Variants in MAST2 observed in about 807,000 individuals in gnomAD.
MAST2 encodes microtubule-associated serine/threonine-protein kinase 2.
In MAST2, 70 loss-of-function variants were observed where a neutral mutation model predicts 147.4. The observed-to-expected ratio is 0.47, with a 90% CI of 0.39 to 0.58. MAST2 has a LOEUF of 0.58. Ranked by LOEUF, MAST2 falls within the 20% of genes least tolerant of loss-of-function variation. MAST2 has a pLI of 0.00. For missense variants in MAST2, 2,080 were observed against 2,302.3 expected (o/e 0.90, Z 1.98); for synonymous variants, 869 against 896.8 (o/e 0.97, Z 0.55).
intron 16 of MAST2, 76 bp downstream of exon 16, chr1:46,025,891 G>C: frequency 6.4e-7 from 1 of 1,572,030 alleles, no homozygotes; most frequent in South Asian, 1.1e-5. Context: ...AAGCACAGTA[G>C]CTCTAAATCT....
At chr1:45,829,648 A>G (rs1644892283) in intron 3 of MAST2, 67 bp downstream of exon 3, 4 of 1,457,418 alleles carry the variant, frequency 2.7e-6, no homozygotes, top group South Asian at 1.3e-5. Context: ...TCATTGCAAC[A>G]TCTATTCTTT....
At chr1:45,860,115 C>T (rs901952881) in intron 3 of MAST2, among the ~76,000 whole-genome samples, 2 of 151,652 alleles carry the variant, frequency 1.3e-5, no homozygotes, top group South Asian at 2.1e-4. Flanking sequence ...CCTGAGGTGG[C>T]GGGATGCTGA....
At chr1:45,866,773 A>C (rs1044387373) in intron 3 of MAST2, among the ~76,000 whole-genome samples, 3 of 150,304 alleles carry the variant, frequency 2.0e-5, no homozygotes, top group Non-Finnish European at 3.0e-5. Context: ...ATGGAGTCTC[A>C]CTCTGTCACC....
intron 4 of MAST2, among the ~76,000 whole-genome samples, chr1:45,923,823 C>T (rs1653923279): frequency 6.6e-6 from 1 of 152,174 alleles, no homozygotes; most frequent in Non-Finnish European, 1.5e-5. Flanking sequence ...GGTATTCCCA[C>T]AGTCTGTTGT....
At chr1:45,972,728 C>T (rs943827538) in intron 5 of MAST2, among the ~76,000 whole-genome samples, 3 of 152,216 alleles carry the variant, frequency 2.0e-5, no homozygotes, top group Non-Finnish European at 4.4e-5. Context: ...ACATTCCCTG[C>T]TCTGTCTTAT....
At chr1:45,906,433 A>G (rs1403004294) in intron 4 of MAST2, among the ~76,000 whole-genome samples, 1 of 151,930 alleles carries the variant, frequency 6.6e-6, no homozygotes, top group Non-Finnish European at 1.5e-5. Context: ...GTAGAGAACA[A>G]AAATATTTTT....
intron 4 of MAST2, chr1:45,917,485 C>T (rs1557903406): frequency 7.3e-7 from 1 of 1,366,560 alleles, no homozygotes; most frequent in Non-Finnish European, 9.8e-7. Context: ...AACCCACGAG[C>T]CCACAGCAGT....
intron 4 of MAST2, among the ~76,000 whole-genome samples, chr1:45,950,207 A>C (rs1405499403): frequency 6.6e-6 from 1 of 152,098 alleles, no homozygotes; most frequent in East Asian, 1.9e-4. Flanking sequence ...GTACCCCTGA[A>C]CCTAAAAAAT....
chr1:45,993,977 AAG>A (rs1262578613), intron 5 of MAST2, among the ~76,000 whole-genome samples: 1 of 152,182 alleles, frequency 6.6e-6, no homozygotes, highest in Non-Finnish European at 1.5e-5. Flanking sequence ...GGTCCGGCCA[AAG>A]AAAACATGTG....
At chr1:45,821,515 C>CTTTTTT (rs59159342) in intron 1 of MAST2, among the ~76,000 whole-genome samples, 1 of 70,918 alleles carries the variant, frequency 1.4e-5, no homozygotes, top group Non-Finnish European at 2.5e-5. Context: ...GTTATTTCTT[C>CTTTTTT]TTTTTTTTTT....
intron 5 of MAST2, among the ~76,000 whole-genome samples, chr1:45,961,321 A>T (rs1660386888): frequency 6.6e-6 from 1 of 152,204 alleles, no homozygotes; most frequent in Non-Finnish European, 1.5e-5. Context: ...CATCTATCTG[A>T]CCTGACCTTT....
intron 4 of MAST2, chr1:45,913,781 C>G: frequency 8.9e-7 from 1 of 1,119,514 alleles, no homozygotes; most frequent in Admixed American, 4.6e-5. Context: ...TGTGAGAGAA[C>G]TTCCTACCAA....
chr1:46,003,341 G>A (rs940607528), intron 7 of MAST2, among the ~76,000 whole-genome samples: 1 of 152,110 alleles, frequency 6.6e-6, no homozygotes, highest in Non-Finnish European at 1.5e-5. Context: ...TGATATCCAA[G>A]TTTGATGCAT....
intron 1 of MAST2, among the ~76,000 whole-genome samples, chr1:45,818,661 C>A (rs1272512774): frequency 6.6e-6 from 1 of 152,188 alleles, no homozygotes; most frequent in East Asian, 1.9e-4. Flanking sequence ...TTGTGAACTT[C>A]CGATGGTCGG....
At chr1:45,952,908 A>G (rs1659138235) in intron 4 of MAST2, among the ~76,000 whole-genome samples, 1 of 152,242 alleles carries the variant, frequency 6.6e-6, no homozygotes, top group Non-Finnish European at 1.5e-5. Flanking sequence ...GGGAATGTTA[A>G]GCAGTGAAAT....
intron 4 of MAST2, among the ~76,000 whole-genome samples, chr1:45,909,373 A>G (rs1028711015): frequency 6.6e-6 from 1 of 152,174 alleles, no homozygotes. Context: ...TTACTTTTCA[A>G]TATCATTTAC....
At chr1:45,899,515 C>T (rs543635244) in intron 4 of MAST2, among the ~76,000 whole-genome samples, 8 of 151,916 alleles carry the variant, frequency 5.3e-5, no homozygotes, top group African/African-American at 1.5e-4. Context: ...TATGACCACA[C>T]GTACCCATTG....
chr1:45,816,443 T>G lies in MAST2; in HGVS notation c.178-7990T>G, dbSNP rs200510831. ...GCACCAGGGACCAATCCTGGAGAGA[T>G]AGAGATACATGACCTTTCAGACAGA... On this transcript the variant is annotated intron_variant, in intron 1 of 28. Transcript: ENST00000361297. 6.6e-5 allele frequency among the ~76,000 whole-genome samples: 10 copies of G among 152,238 alleles called. No homozygotes were observed. The South Asian group carries it at 8.3e-4, about 13-fold the overall frequency.
intron 4 of MAST2, among the ~76,000 whole-genome samples, chr1:45,902,615 T>C (rs1649972859): frequency 6.6e-6 from 1 of 152,044 alleles, no homozygotes; most frequent in African/African-American, 2.4e-5. Flanking sequence ...TCCTGGGCTT[T>C]TTTTTTTGGT....
Sources: gnomAD v4.1 joint callset for allele counts (sites outside exome capture counted in the v4.1 genomes callset) on GRCh38, gnomAD v4.1.1 for gene constraint, MANE v1.5 for transcripts, NCBI Gene and HGNC (gene_info 2026-07-23, HGNC 2026-07-21) for gene names.